The following ANP32B variants were observed in gnomAD, a reference collection of about 807,000 sequenced individuals.
The protein encoded by ANP32B is acidic nuclear phosphoprotein 32 family member B, also known as acidic leucine-rich nuclear phosphoprotein 32 family member B.
ANP32B carries 6 observed loss-of-function variants against 32.2 expected under a neutral mutation model. The ratio of observed to expected loss-of-function variants is 0.19; its 90% CI spans 0.10 to 0.37. ANP32B has a LOEUF of 0.37. Among genes scored for constraint, ANP32B ranks in the 10% least tolerant of loss-of-function variants. The pLI, the probability that ANP32B is intolerant of heterozygous loss-of-function variation, is 1.00. For synonymous variants in ANP32B, 98 were observed against 105.8 expected (o/e 0.93, Z 0.45); for missense variants, 204 against 289.2 (o/e 0.71, Z 2.14).
At chr9:97,983,654 A>G (rs1316841310) in intron 1 of ANP32B, 45 bp downstream of exon 1, 5 of 1,463,054 alleles carry the variant, frequency 3.4e-6, no homozygotes, top group Non-Finnish European at 4.6e-6. Flanking sequence ...GATGACTTGC[A>G]TGTAATGGTG....
intron 1 of ANP32B, among the ~76,000 whole-genome samples, chr9:97,991,422 G>GC (rs1554723747): frequency 2.0e-5 from 3 of 151,920 alleles, no homozygotes; most frequent in Admixed American, 6.6e-5. Context: ...GCCTTGAACA[G>GC]TTTTTTTTAG....
intron 4 of ANP32B, among the ~76,000 whole-genome samples, chr9:98,008,532 C>A (rs1240157112): frequency 6.6e-6 from 1 of 152,192 alleles, no homozygotes; most frequent in Non-Finnish European, 1.5e-5. Context: ...ACTTCAAAAT[C>A]TCCATATATT....
At chr9:97,984,140 G>A (rs1827655105) in intron 1 of ANP32B, among the ~76,000 whole-genome samples, 2 of 150,154 alleles carry the variant, frequency 1.3e-5, no homozygotes, top group African/African-American at 4.9e-5. Flanking sequence ...GAGGTCAGCA[G>A]TCGTGGGGCG....
intron 4 of ANP32B, among the ~76,000 whole-genome samples, chr9:98,007,006 A>C (rs567793867): frequency 7.4e-4 from 112 of 152,220 alleles, no homozygotes; most frequent in Non-Finnish European, 1.1e-3. Flanking sequence ...AACAAACAAA[A>C]AAAAAACTGC....
chr9:98,015,520 A>G lies in ANP32B; in HGVS notation c.*89A>G. ...AGCTGTTTAAAAAAAAAAAAAAGGTAGCTGTGATACAAACCCCAGGACACC... is the reference window on the plus strand; with the variant it reads ...AGCTGTTTAAAAAAAAAAAAAAGGTGGCTGTGATACAAACCCCAGGACACC... On this transcript the variant is annotated 3_prime_UTR_variant, in exon 7 of 7. Transcript: ENST00000339399. The G allele has an allele frequency of 6.8e-7, 1 of 1,473,364 alleles. No individual in the cohort carries two copies. Among genetic ancestry groups the G allele is most frequent in the East Asian group, 2.5e-5 (1 of 39,532 alleles). The allele number at this position is 1,473,364 out of a possible 1,614,324, so 91.3% of individuals were successfully genotyped here. A position where few individuals can be genotyped will look rare whatever the true frequency, so the allele number is the denominator to read the frequency against.
intron 1 of ANP32B, chr9:97,987,764 C>G (rs1827761449): frequency 6.6e-6 from 1 of 152,164 alleles, no homozygotes; most frequent in Non-Finnish European, 1.5e-5. Context: ...TACGTAGTCC[C>G]AATTTACTGA....
At chr9:98,012,264 C>G (rs1276162966) in intron 5 of ANP32B, among the ~76,000 whole-genome samples, 157 bp from the exon 6 acceptor site, 1 of 152,132 alleles carries the variant, frequency 6.6e-6, no homozygotes, top group Non-Finnish European at 1.5e-5. Context: ...ATCAGTGGGT[C>G]TTGGTACATC....
chr9:97,983,451 G>A lies in ANP32B; in HGVS notation c.-105G>A. Reference sequence around the variant, plus strand: ...CAGGACCGCGCCGCCGGCCTCCGCCGCTAGCAAACCCTTCCGACGGCCCTC... The same window carrying A: ...CAGGACCGCGCCGCCGGCCTCCGCCACTAGCAAACCCTTCCGACGGCCCTC... On this transcript the variant is annotated 5_prime_UTR_variant, in exon 1 of 7. Transcript: ENST00000339399. 2.7e-6 allele frequency: 3 copies of A among 1,098,554 alleles called. No individual in the cohort carries two copies. The highest frequency in any genetic ancestry group is 2.9e-5 in the East Asian group (1 of 34,436). 68.1% of individuals were successfully genotyped at this position (1,098,554 alleles called of 1,614,324 possible).
chr9:97,990,041 G>A (rs1185480231), intron 1 of ANP32B, among the ~76,000 whole-genome samples: 2 of 152,184 alleles, frequency 1.3e-5, no homozygotes, highest in Non-Finnish European at 2.9e-5. Context: ...CCTAAGAAAA[G>A]AAAGACCACT....
chr9:98,002,000 C>A (rs1419895333), intron 3 of ANP32B, among the ~76,000 whole-genome samples: 1 of 152,148 alleles, frequency 6.6e-6, no homozygotes, highest in Non-Finnish European at 1.5e-5. Context: ...AGAGCTATTT[C>A]GAAAAGCCTG....
At chr9:97,994,841 T>A in intron 2 of ANP32B, 61 bp downstream of exon 2, 1 of 1,503,106 alleles carries the variant, frequency 6.7e-7, no homozygotes, top group Non-Finnish European at 8.9e-7. Context: ...ATGTATGATT[T>A]TACCTGTAAG....
intron 3 of ANP32B, among the ~76,000 whole-genome samples, chr9:98,003,109 A>C (rs1209853218): frequency 6.6e-6 from 1 of 152,186 alleles, no homozygotes; most frequent in African/African-American, 2.4e-5. Flanking sequence ...TGAAAATTAC[A>C]TGATACAAAA....
At position 97,983,477 on chromosome 9, in the gene ANP32B, G is replaced by A; in HGVS notation, c.-79G>A. 7.5e-7 allele frequency: 1 copy of A among 1,342,026 alleles called. No homozygotes were observed. Among genetic ancestry groups the A allele is most frequent in the Admixed American group, 2.1e-5 (1 of 48,084 alleles). 83.1% of individuals were successfully genotyped at this position (1,342,026 alleles called of 1,614,324 possible). On this transcript the variant is annotated 5_prime_UTR_variant, in exon 1 of 7. Coordinates refer to ENST00000339399, the MANE Select transcript of ANP32B (RefSeq NM_006401.3). ...CTAGCAAACCCTTCCGACGGCCCTC[G>A]CTGCGCAAGCCGGGACGCCTCTCCC...
chr9:97,984,197 C>T (rs1207626595), intron 1 of ANP32B, among the ~76,000 whole-genome samples: 1 of 149,738 alleles, frequency 6.7e-6, no homozygotes, highest in African/African-American at 2.4e-5. Flanking sequence ...CCCCCTCGGG[C>T]GCCTGGAGGC....
chr9:98,006,995 AAAC>A (rs1828096681), intron 4 of ANP32B, among the ~76,000 whole-genome samples: 4 of 151,890 alleles, frequency 2.6e-5, no homozygotes, highest in African/African-American at 7.2e-5. Flanking sequence ...CTCAAAAAAC[AAAC>A]AAACAAAAAA....
chr9:98,013,468 G>A (rs192727503), intron 6 of ANP32B, among the ~76,000 whole-genome samples: 5 of 152,322 alleles, frequency 3.3e-5, no homozygotes, highest in Admixed American at 3.3e-4. Flanking sequence ...ATAAATAGAT[G>A]TAGCAGTTTC....
chr9:98,012,597 A>T, intron 6 of ANP32B, 125 bp downstream of exon 6: 1 of 1,384,688 alleles, frequency 7.2e-7, no homozygotes. Context: ...TTACACATTC[A>T]CATTCTCGTT....
chr9:97,984,218 G>C (rs1827657986), intron 1 of ANP32B, among the ~76,000 whole-genome samples: 2 of 150,788 alleles, frequency 1.3e-5, no homozygotes, highest in South Asian at 4.1e-4. Context: ...CTGGGCGGGC[G>C]CGGCCCGGCG....
At chr9:98,013,868 A>AC (rs1326364052) in intron 6 of ANP32B, among the ~76,000 whole-genome samples, 6 of 152,118 alleles carry the variant, frequency 3.9e-5, no homozygotes, top group Admixed American at 6.5e-5. Flanking sequence ...AAAAAAAAAA[A>AC]AGTTAGCTGC....
Sources: gnomAD v4.1 joint callset for allele counts (sites outside exome capture counted in the v4.1 genomes callset) on GRCh38, gnomAD v4.1.1 for gene constraint, MANE v1.5 for transcripts, NCBI Gene and HGNC (gene_info 2026-07-23, HGNC 2026-07-21) for gene names.